OPCML: variants seen among roughly 807,000 people sequenced by gnomAD.
OPCML encodes the protein opioid binding protein/cell adhesion molecule like, also known as opioid-binding protein/cell adhesion molecule.
Under a neutral mutation model 37.8 loss-of-function variants are expected in OPCML, and 13 were observed. The ratio of observed to expected loss-of-function variants is 0.34; its 90% CI spans 0.22 to 0.55. OPCML has a LOEUF of 0.55. Ranked by LOEUF, OPCML falls within the 20% of genes least tolerant of loss-of-function variation. The pLI is 0.91. For missense variants in OPCML, 341 were observed against 435.6 expected (o/e 0.78, Z 1.93); for synonymous variants, 176 against 168.8 (o/e 1.04, Z -0.33).
intron 2 of OPCML, among the ~76,000 whole-genome samples, chr11:132,799,089 A>C (rs1457894825): frequency 2.6e-5 from 4 of 152,204 alleles, no homozygotes; most frequent in African/African-American, 9.6e-5. Flanking sequence ...CACCAGCTGC[A>C]TTAGCCCCTA....
intron 2 of OPCML, among the ~76,000 whole-genome samples, chr11:132,941,947 C>T (rs1945592452): frequency 6.6e-6 from 1 of 152,120 alleles, no homozygotes; most frequent in South Asian, 2.1e-4. Flanking sequence ...TAGGGGAAGC[C>T]AGGCATTTTG....
At chr11:133,043,316 G>T (rs1013246817) in intron 1 of OPCML, among the ~76,000 whole-genome samples, 25 of 152,228 alleles carry the variant, frequency 1.6e-4, no homozygotes, top group African/African-American at 5.5e-4. Flanking sequence ...TCGTGAGAGG[G>T]CACATATGAA....
intron 1 of OPCML, among the ~76,000 whole-genome samples, chr11:132,963,897 A>G (rs1302045819): frequency 6.6e-6 from 1 of 152,162 alleles, no homozygotes; most frequent in East Asian, 1.9e-4. Context: ...CACCAGCTGC[A>G]TCTTGAACCC....
At chr11:133,383,790 G>A (rs578195447) in intron 1 of OPCML, among the ~76,000 whole-genome samples, 227 of 152,160 alleles carry the variant, frequency 1.5e-3, no homozygotes, top group African/African-American at 5.2e-3. Flanking sequence ...AAACAGAAGG[G>A]GACCGTCTGT....
At chr11:133,218,887 C>A (rs1322034732) in intron 1 of OPCML, among the ~76,000 whole-genome samples, 2 of 152,144 alleles carry the variant, frequency 1.3e-5, no homozygotes, top group South Asian at 2.1e-4. Context: ...CTCTGTCATA[C>A]CACCGTAAAA....
chr11:133,486,178 T>C (rs916240996), intron 1 of OPCML, among the ~76,000 whole-genome samples: 2 of 152,204 alleles, frequency 1.3e-5, no homozygotes, highest in South Asian at 2.1e-4. Context: ...GTATTTTCTC[T>C]AGGAGCAATG....
chr11:133,314,973 T>A (rs970915670), intron 1 of OPCML, among the ~76,000 whole-genome samples: 2 of 128,078 alleles, frequency 1.6e-5, no homozygotes, highest in African/African-American at 3.5e-5. Context: ...AAACCACACC[T>A]CAGTGTGTGT....
At chr11:132,879,260 G>A (rs1943136651) in intron 2 of OPCML, among the ~76,000 whole-genome samples, 1 of 152,128 alleles carries the variant, frequency 6.6e-6, no homozygotes, top group Non-Finnish European at 1.5e-5. Context: ...AATATTCTTA[G>A]TAAAAGTATG....
intron 3 of OPCML, among the ~76,000 whole-genome samples, chr11:132,635,372 A>T (rs1940423070): frequency 6.6e-6 from 1 of 152,206 alleles, no homozygotes; most frequent in Non-Finnish European, 1.5e-5. Flanking sequence ...AATAACAAAA[A>T]CAAAAACTTT....
In OPCML at chr11:132,481,476, T is replaced by A. The variant is rs979404128; in HGVS notation, c.506-44117A>T. The stretch of plus-strand genomic sequence containing the variant: ...CTCCCACACATTAATAATGGGAGAC[T>A]TTAACACCCCACTGTCAACATTAGA... On this transcript the variant is annotated intron_variant, in intron 4 of 7. Coordinates refer to ENST00000524381, the MANE Select transcript of OPCML (RefSeq NM_001012393.5). Among the ~76,000 whole-genome samples the A allele has an allele frequency of 5.3e-5, 8 of 150,240 alleles. 1 individual carries two copies. Among genetic ancestry groups the A allele is most frequent in the Admixed American group, 5.3e-4 (8 of 15,056 alleles).
In OPCML at chr11:132,420,018, CTCATTCAAGCTGGAAATAAAAGCAAACAA is replaced by C; in HGVS notation, c.*146_*174del. 1 of 425,968 alleles carries C rather than the reference CTCATTCAAGCTGGAAATAAAAGCAAACAA, an allele frequency of 2.3e-6. No individual in the cohort carries two copies. The highest frequency in any genetic ancestry group is 4.6e-5 in the East Asian group (1 of 21,814). 26.4% of individuals were successfully genotyped at this position (425,968 alleles called of 1,614,324 possible). A position where few individuals can be genotyped will look rare whatever the true frequency, so the allele number is the denominator to read the frequency against. ...CCTGCCCACCCCGCCCCCAACCCCA[CTCATTCAAGCTGGAAATAAAAGCAAACAA>C]ACAAATAAACAAAAACAAAAAGAAA... On this transcript the variant is annotated 3_prime_UTR_variant, in exon 8 of 8. Coordinates refer to ENST00000524381, the MANE Select transcript of OPCML (RefSeq NM_001012393.5).
intron 3 of OPCML, among the ~76,000 whole-genome samples, chr11:132,585,837 A>T (rs984414814): frequency 3.3e-5 from 5 of 152,200 alleles, no homozygotes; most frequent in Non-Finnish European, 7.3e-5. Context: ...CTCAGAATCC[A>T]TTGCAGGAAA....
chr11:132,936,020 C>T (rs567425787), intron 2 of OPCML, among the ~76,000 whole-genome samples: 9 of 152,274 alleles, frequency 5.9e-5, no homozygotes, highest in South Asian at 2.1e-4. Context: ...ATGTTAGATC[C>T]TGGTGGGTGT....
chr11:133,237,938 C>T lies in OPCML; in HGVS notation c.61+294326G>A, dbSNP rs147009582. On this transcript the variant is annotated intron_variant, in intron 1 of 7. Transcript: ENST00000524381. Reference sequence around the variant, plus strand: ...ATATGATAATAGCTACTCTTTATTGCGTTATTATTACATGCTAGTCACTGC... The same window carrying T: ...ATATGATAATAGCTACTCTTTATTGTGTTATTATTACATGCTAGTCACTGC... Among the ~76,000 whole-genome samples the T allele has an allele frequency of 3.1e-3, 466 of 152,280 alleles. 2 individuals carry two copies. The highest frequency in any genetic ancestry group is 0.01 in the African/African-American group (419 of 41,550).
intron 2 of OPCML, among the ~76,000 whole-genome samples, chr11:132,694,950 G>A (rs940237112): frequency 1.3e-5 from 2 of 152,120 alleles, no homozygotes; most frequent in East Asian, 1.9e-4. Flanking sequence ...TGATACCTGC[G>A]ACATTAATGG....
At chr11:133,007,378 C>T (rs1236067159) in intron 1 of OPCML, 7 of 985,340 alleles carry the variant, frequency 7.1e-6, no homozygotes, top group Non-Finnish European at 8.4e-6. Flanking sequence ...AGCCACAGAG[C>T]AGATACTTGG....
chr11:133,234,336 CT>C (rs1940420240), intron 1 of OPCML, among the ~76,000 whole-genome samples: 1 of 152,166 alleles, frequency 6.6e-6, no homozygotes, highest in Non-Finnish European at 1.5e-5. Context: ...GCCCTAAAAC[CT>C]TTTTGGAGGA....
intron 2 of OPCML, among the ~76,000 whole-genome samples, chr11:132,712,375 G>A (rs1373265977): frequency 6.6e-6 from 1 of 151,628 alleles, no homozygotes; most frequent in African/African-American, 2.4e-5. Context: ...AATGAAGGTC[G>A]CCACTTAATA....
intron 1 of OPCML, among the ~76,000 whole-genome samples, chr11:133,348,835 C>T (rs555940118): frequency 1.3e-5 from 2 of 152,148 alleles, no homozygotes; most frequent in East Asian, 3.9e-4. Context: ...ATTATGAAGC[C>T]CCTACCATGA....
Sources: gnomAD v4.1 joint callset for allele counts (sites outside exome capture counted in the v4.1 genomes callset) on GRCh38, gnomAD v4.1.1 for gene constraint, MANE v1.5 for transcripts, NCBI Gene and HGNC (gene_info 2026-07-23, HGNC 2026-07-21) for gene names.